AKAP13: variants seen among roughly 807,000 people sequenced by gnomAD.
AKAP13 encodes A-kinase anchor protein 13.
Under a neutral mutation model 264.5 loss-of-function variants are expected in AKAP13, and 80 were observed. That is an observed-to-expected ratio of 0.30 (90% CI 0.25 to 0.36). The LOEUF (loss-of-function observed/expected upper bound fraction) is 0.36. Among genes scored for constraint, AKAP13 ranks in the 10% least tolerant of loss-of-function variants. AKAP13 has a pLI of 1.00. For synonymous variants in AKAP13, 1,380 were observed against 1,250.2 expected (o/e 1.10, Z -2.19); for missense variants, 3,712 against 3,435.2 (o/e 1.08, Z -2.01).
At chr15:85,645,791 T>G in intron 9 of AKAP13, 27 bp from the exon 10 acceptor site, 1 of 1,436,012 alleles carries the variant, frequency 7.0e-7, no homozygotes, top group Non-Finnish European at 9.4e-7. Context: ...TTTTTTTCAA[T>G]ATTGGTGAAT....
chr15:85,438,388 C>G (rs2073434443), intron 1 of AKAP13, among the ~76,000 whole-genome samples: 1 of 151,616 alleles, frequency 6.6e-6, no homozygotes. Flanking sequence ...AATGGCCATA[C>G]TTCCCAAGGT....
At position 85,580,582 on chromosome 15, in the gene AKAP13, G is replaced by T. The variant is rs2079128517; in HGVS notation, c.2514G>T (p.Arg838=). The T allele has an allele frequency of 6.2e-7, 1 of 1,614,204 alleles. No individual in the cohort carries two copies. Among genetic ancestry groups the T allele is most frequent in the Non-Finnish European group, 8.5e-7 (1 of 1,180,038 alleles). ...GAAATTCGAATGAGCCTGATACGCG[G>T]CCACTAGAAGACAGGGCAGTAGGCC... ...PDGNSNEPDT[R]PLEDRAVGLS... Residue 838 remains arginine, a synonymous_variant, in exon 7 of 37, where the codon CGG becomes CGT. Transcript: ENST00000394518.
chr15:85,435,264 GA>G (rs2073224880), intron 1 of AKAP13, among the ~76,000 whole-genome samples: 1 of 148,294 alleles, frequency 6.7e-6, no homozygotes, highest in Non-Finnish European at 1.5e-5. Context: ...GAAGTTTAGA[GA>G]AAAAAGAATA....
chr15:85,541,831 A>G (rs1461837135), intron 4 of AKAP13, among the ~76,000 whole-genome samples: 1 of 152,258 alleles, frequency 6.6e-6, no homozygotes, highest in Non-Finnish European at 1.5e-5. Flanking sequence ...GGGTCTACAC[A>G]AAAGCAGATG....
At chr15:85,459,282 T>C (rs2074411521) in intron 1 of AKAP13, among the ~76,000 whole-genome samples, 1 of 151,846 alleles carries the variant, frequency 6.6e-6, no homozygotes, top group Non-Finnish European at 1.5e-5. Flanking sequence ...GCCTTCCGGG[T>C]TCAAAAGATT....
At chr15:85,385,880 C>T (rs1596000237) in intron 1 of AKAP13, among the ~76,000 whole-genome samples, 1 of 152,114 alleles carries the variant, frequency 6.6e-6, no homozygotes, top group East Asian at 1.9e-4. Context: ...GGCTGGAGTA[C>T]AGTGGTGAGA....
At chr15:85,734,600 C>T (rs183966115) in intron 30 of AKAP13, among the ~76,000 whole-genome samples, 1 of 152,242 alleles carries the variant, frequency 6.6e-6, no homozygotes, top group South Asian at 2.1e-4. Flanking sequence ...GCCCCTTGAA[C>T]TCACTCCATA....
At chr15:85,679,319 A>G (rs539448877) in intron 14 of AKAP13, among the ~76,000 whole-genome samples, 1 of 152,308 alleles carries the variant, frequency 6.6e-6, no homozygotes, top group Non-Finnish European at 1.5e-5. Flanking sequence ...CATTCAGTTA[A>G]TCCGACACAA....
intron 35 of AKAP13, among the ~76,000 whole-genome samples, chr15:85,741,697 T>TAAAAAAAAAA: frequency 9.4e-6 from 1 of 106,344 alleles, no homozygotes; most frequent in Non-Finnish European, 1.8e-5. Flanking sequence ...CTGTCTCTCC[T>TAAAAAAAAAA]AAAAAAAAAA....
chr15:85,520,315 C>T (rs533690714), intron 2 of AKAP13, among the ~76,000 whole-genome samples: 21 of 151,704 alleles, frequency 1.4e-4, no homozygotes, highest in Admixed American at 5.3e-4. Flanking sequence ...GCCAACACGG[C>T]GAAACCTTGT....
At position 85,521,644 on chromosome 15, in the gene AKAP13, G is replaced by A. The variant is rs1596410504; in HGVS notation, c.181+69G>A. The A allele has an allele frequency of 1.1e-5, 16 of 1,515,710 alleles. No individual in the cohort carries two copies. The East Asian group carries it at 2.0e-4, about 19-fold the overall frequency. The allele number at this position is 1,515,710 out of a possible 1,614,324, so 93.9% of individuals were successfully genotyped here. ...AAACCCTTTTATTCGATGTTTATGA[G>A]TATAGAGTGACAGGAAGAGTGAAGT... On this transcript the variant is annotated intron_variant, in intron 3 of 36. Transcript: ENST00000394518.
chr15:85,658,800 C>CT (rs869147952), intron 12 of AKAP13, among the ~76,000 whole-genome samples: 1 of 152,054 alleles, frequency 6.6e-6, no homozygotes, highest in Admixed American at 6.6e-5. Context: ...GCTATTTTAT[C>CT]TTTTTTAAAA....
rs55961650 is a variant in AKAP13, at chr15:85,724,268, A to G, written c.6745+948A>G. On this transcript the variant is annotated intron_variant, in intron 26 of 36. Transcript: ENST00000394518. The surrounding 1 kb of genome is among the most constrained non-coding windows in gnomAD (Gnocchi z 4.2). ...TCCAGGCAGTCAGCTGGTTTCAACA[A>G]TGAATAAAGCAGGACACCCTGCTTA... 1.3e-5 allele frequency among the ~76,000 whole-genome samples: 2 copies of G among 152,370 alleles called. No homozygotes were observed. The highest frequency in any genetic ancestry group is 2.1e-4 in the South Asian group (1 of 4,828).
chr15:85,541,995 T>C (rs1342528990), intron 4 of AKAP13, among the ~76,000 whole-genome samples: 1 of 152,172 alleles, frequency 6.6e-6, no homozygotes, highest in Non-Finnish European at 1.5e-5. Context: ...AGAGTGGTTG[T>C]GGGAGGGTGG....
chr15:85,457,003 A>G (rs141331523), intron 1 of AKAP13, among the ~76,000 whole-genome samples: 163 of 152,328 alleles, frequency 1.1e-3, no homozygotes, highest in African/African-American at 3.8e-3. Flanking sequence ...GTAGCGAGAC[A>G]TTCTAGTTAC....
intron 2 of AKAP13, among the ~76,000 whole-genome samples, chr15:85,499,475 A>G (rs1357533402): frequency 1.3e-5 from 2 of 152,174 alleles, no homozygotes; most frequent in Admixed American, 1.3e-4. Context: ...TGATTTTTGG[A>G]CAGCATAAAT....
chr15:85,605,715 G>A (rs1291338147), intron 8 of AKAP13, among the ~76,000 whole-genome samples: 2 of 152,126 alleles, frequency 1.3e-5, no homozygotes, highest in Non-Finnish European at 2.9e-5. Context: ...TATGTATTTA[G>A]ACATATCTCA....
In AKAP13 at chr15:85,669,747, G is replaced by T. The variant is rs752381361; in HGVS notation, c.5018G>T (p.Gly1673Val). 1.9e-6 allele frequency: 3 copies of T among 1,613,026 alleles called. No individual in the cohort carries two copies. Among genetic ancestry groups the T allele is most frequent in the South Asian group, 2.2e-5 (2 of 91,032 alleles). The change falls in exon 14 of 37, where the codon GGA becomes GTA. Residue 1673 changes from glycine (G) to valine (V), a missense_variant. Around this residue, in one of 3 missense-constraint regions of AKAP13, gnomAD observed 2,759 missense variants for 2,411.7 expected, o/e 1.14. Coordinates refer to ENST00000394518, the MANE Select transcript of AKAP13 (RefSeq NM_007200.5). ...QQICHRSKQQ[G>V]FNYCTSAISS... is the part of the protein sequence containing the mutation. Reference sequence around the variant, plus strand: ...ATATGTCACAGATCTAAGCAGCAGGGATTTAATTACTGTACATCAGCCATT... The same window carrying T: ...ATATGTCACAGATCTAAGCAGCAGGTATTTAATTACTGTACATCAGCCATT...
At chr15:85,415,524 TG>T in intron 1 of AKAP13, 1 of 1,511,872 alleles carries the variant, frequency 6.6e-7, no homozygotes. Flanking sequence ...ACATCAGGAG[TG>T]GGATGGGAAG....
Sources: allele counts gnomAD v4.1 joint callset (sites outside exome capture counted in the v4.1 genomes callset), GRCh38; gene constraint gnomAD v4.1.1; regional missense constraint gnomAD v4.1.1; non-coding constraint Gnocchi (gnomAD v3.1); transcripts MANE v1.5; gene names NCBI Gene and HGNC (gene_info 2026-07-23, HGNC 2026-07-21).